The following CECR2 variants were observed in gnomAD, a reference collection of about 807,000 sequenced individuals.
CECR2 encodes chromatin remodeling regulator CECR2.
Under a neutral mutation model 154.5 loss-of-function variants are expected in CECR2, and 30 were observed. The ratio of observed to expected loss-of-function variants is 0.19; its 90% CI spans 0.15 to 0.26. The LOEUF is 0.26. Among genes scored for constraint, CECR2 ranks in the 10% least tolerant of loss-of-function variants. The pLI, the probability that CECR2 is intolerant of heterozygous loss-of-function variation, is 1.00. For synonymous variants in CECR2, 725 were observed against 683.7 expected (o/e 1.06, Z -0.94); for missense variants, 1,743 against 1,829.3 (o/e 0.95, Z 0.86).
chr22:17,431,815 C>A (rs114653696), intron 1 of CECR2, among the ~76,000 whole-genome samples: 1 of 151,702 alleles, frequency 6.6e-6, no homozygotes, highest in African/African-American at 2.4e-5. Context: ...ATTCACAAAC[C>A]GTACAATTAA....
At chr22:17,515,212 A>G (rs1259434729) in intron 8 of CECR2, among the ~76,000 whole-genome samples, 2 of 152,212 alleles carry the variant, frequency 1.3e-5, no homozygotes, top group East Asian at 3.8e-4. Flanking sequence ...TGAGGCAGAC[A>G]TATTCAGCTA....
intron 1 of CECR2, among the ~76,000 whole-genome samples, chr22:17,405,412 CAAATA>C (rs2053966253): frequency 6.8e-6 from 1 of 146,080 alleles, no homozygotes; most frequent in South Asian, 2.1e-4. Context: ...AACTCCGTCT[CAAATA>C]AAATAAGATA....
At chr22:17,360,988 C>T (rs530617807) in intron 1 of CECR2, among the ~76,000 whole-genome samples, 14 of 151,890 alleles carry the variant, frequency 9.2e-5, no homozygotes, top group Non-Finnish European at 1.3e-4. Context: ...CATGGTGAAA[C>T]CCCATCTCTA....
At chr22:17,423,384 A>G (rs182253486) in intron 1 of CECR2, among the ~76,000 whole-genome samples, 75 of 152,160 alleles carry the variant, frequency 4.9e-4, no homozygotes, top group African/African-American at 1.8e-3. Flanking sequence ...GCACACGCCT[A>G]TAGTCCCAGC....
chr22:17,497,538 A>C lies in CECR2; in HGVS notation c.357A>C (p.Arg119=), dbSNP rs1309114441. 1 of 1,613,686 alleles carries C rather than the reference A, an allele frequency of 6.2e-7. No homozygotes were observed. The change falls in exon 3 of 19, where the codon CGA becomes CGC. Residue 119 remains arginine (R), a synonymous_variant. Transcript: ENST00000262608. ...PLRTRVEILH[R]LCDYRLDADD... ...GCACACGGGTGGAGATCCTGCACCG[A>C]CTCTGTGATTACCGGCTGGATGCAG... is the stretch of plus-strand genomic sequence containing the variant.
intron 1 of CECR2, among the ~76,000 whole-genome samples, chr22:17,385,566 T>G (rs1440518722): frequency 1.3e-5 from 2 of 152,170 alleles, no homozygotes; most frequent in Admixed American, 6.5e-5. Context: ...CCCAAAACAT[T>G]TACAGTTGTA....
chr22:17,503,966 G>T (rs1232926958), intron 6 of CECR2, among the ~76,000 whole-genome samples: 6 of 152,056 alleles, frequency 3.9e-5, no homozygotes, highest in Admixed American at 3.3e-4. Flanking sequence ...AGAATCACTT[G>T]AATCCAGGAG....
At chr22:17,472,059 C>T (rs750425266) in intron 1 of CECR2, among the ~76,000 whole-genome samples, 1 of 152,116 alleles carries the variant, frequency 6.6e-6, no homozygotes, top group African/African-American at 2.4e-5. Flanking sequence ...CAGCATCGAG[C>T]CAGTGACACA....
In CECR2 at chr22:17,386,275, TA is replaced by T. The variant is rs139981539; in HGVS notation, c.126+16373del. On this transcript the variant is annotated intron_variant, in intron 1 of 18. Transcript: ENST00000262608. ...GACCGGAGAGGGAGAGGCTGAGACT[TA>T]AAAAAACTTCATTCTGCTGGAAGGA... is the stretch of plus-strand genomic sequence containing the variant. Among the ~76,000 whole-genome samples, 726 of 152,134 alleles carry T rather than the reference TA, an allele frequency of 4.8e-3. 18 individuals carry two copies. The East Asian group carries it at 0.081, about 17-fold the overall frequency.
chr22:17,397,515 T>A (rs1334051476), intron 1 of CECR2, among the ~76,000 whole-genome samples: 2 of 152,164 alleles, frequency 1.3e-5, no homozygotes, highest in African/African-American at 4.8e-5. Context: ...TTATTTTTTT[T>A]AAGACGGAGT....
At chr22:17,526,808 CAAAAAAAAAA>C (rs34800488) in intron 9 of CECR2, among the ~76,000 whole-genome samples, 6 of 71,676 alleles carry the variant, frequency 8.4e-5, no homozygotes, top group Admixed American at 5.4e-4. Context: ...GACTCCATCT[CAAAAAAAAAA>C]AAAAAAAAAA....
intron 1 of CECR2, among the ~76,000 whole-genome samples, chr22:17,468,317 CTG>C (rs940646038): frequency 7.2e-5 from 11 of 152,284 alleles, no homozygotes; most frequent in African/African-American, 2.4e-4. Context: ...TCTGTGTAAT[CTG>C]TGTCTTGCTC....
upstream of CECR2, among the ~76,000 whole-genome samples, chr22:17,365,941 A>T (rs1569033551): frequency 6.6e-6 from 1 of 152,170 alleles, no homozygotes; most frequent in Non-Finnish European, 1.5e-5. Context: ...ACATTACTTC[A>T]TATTTTGCAA....
chr22:17,535,342 C>CT (rs2056422264), intron 9 of CECR2, among the ~76,000 whole-genome samples: 1 of 151,990 alleles, frequency 6.6e-6, no homozygotes. Flanking sequence ...TCTGTAACCT[C>CT]TTTGGAAATG....
rs148002761 is a variant in CECR2 at position 17,415,488 on chromosome 22, T to C, written c.126+45579T>C. ...AACTCCTGGGCTCAAGCGATCTTCC[T>C]GCCTTGGCCTCCCAAAGTGCTGGGA... On this transcript the variant is annotated intron_variant, in intron 1 of 18. Transcript: ENST00000262608. Among the ~76,000 whole-genome samples, 753 of 152,314 alleles carry C rather than the reference T, an allele frequency of 4.9e-3. 3 individuals are homozygous for C. Among genetic ancestry groups the C allele is most frequent in the African/African-American group, 0.016 (658 of 41,578 alleles).
At chr22:17,428,990 G>A (rs995888204) in intron 1 of CECR2, among the ~76,000 whole-genome samples, 22 of 152,000 alleles carry the variant, frequency 1.4e-4, no homozygotes, top group Non-Finnish European at 8.8e-5. Context: ...CAGTGTACAT[G>A]TGTGAGTCTA....
chr22:17,385,970 C>T (rs113680688), intron 1 of CECR2, among the ~76,000 whole-genome samples: 18 of 152,244 alleles, frequency 1.2e-4, no homozygotes, highest in African/African-American at 3.6e-4. Context: ...TTTTTGGCTG[C>T]GAATGATGGA....
At chr22:17,496,965 C>G (rs1207875503) in intron 2 of CECR2, among the ~76,000 whole-genome samples, 1 of 152,156 alleles carries the variant, frequency 6.6e-6, no homozygotes, top group Non-Finnish European at 1.5e-5. Context: ...GAGGGACTTC[C>G]TGTTACTGTT....
chr22:17,497,385 T>C lies in CECR2; in HGVS notation c.222-18T>C, dbSNP rs746168371. On this transcript the variant is annotated intron_variant, in intron 2 of 18. Transcript: ENST00000262608. Reference sequence around the variant, plus strand: ...TATTTTATATTAATGTATTTTTGTGTTTGGGGCCCTGGTCTAGGCCTCAGA... The same window carrying C: ...TATTTTATATTAATGTATTTTTGTGCTTGGGGCCCTGGTCTAGGCCTCAGA... 37 of 1,604,148 alleles carry C rather than the reference T, an allele frequency of 2.3e-5. No individual in the cohort carries two copies. Among genetic ancestry groups the C allele is most frequent in the Non-Finnish European group, 3.0e-5 (35 of 1,175,102 alleles).
Sources: allele counts gnomAD v4.1 joint callset (sites outside exome capture counted in the v4.1 genomes callset), GRCh38; gene constraint gnomAD v4.1.1; transcripts MANE v1.5; gene names NCBI Gene and HGNC (gene_info 2026-07-23, HGNC 2026-07-21).